The following ANO3 variants were observed in gnomAD, a reference collection of about 807,000 sequenced individuals.
The protein encoded by ANO3 is anoctamin 3.
A neutral mutation model predicts 144.8 loss-of-function variants in ANO3; 99 were observed. The observed-to-expected ratio is 0.68, with a 90% CI of 0.58 to 0.81. The LOEUF is 0.81. ANO3 is among the 30% of genes least tolerant of loss of function. The probability of loss-of-function intolerance (pLI) is 0.00; values close to 1 mark genes in which losing one functional copy is unlikely to be tolerated. For missense variants in ANO3, 905 were observed against 1,202.2 expected, an observed-to-expected ratio of 0.75 and a Z score of 3.66; for synonymous variants, 414 against 392.6, an observed-to-expected ratio of 1.05 and a Z score of -0.64.
At chr11:26,478,080 A>G (rs1860054085) in intron 4 of ANO3, among the ~76,000 whole-genome samples, 3 of 152,306 alleles carry the variant, frequency 2.0e-5, no homozygotes, top group Middle Eastern at 3.4e-3. Flanking sequence ...CAAGTGTGCC[A>G]TCACACAACA....
intron 1 of ANO3, among the ~76,000 whole-genome samples, chr11:26,191,140 G>A (rs1244907814): frequency 6.6e-6 from 1 of 152,060 alleles, no homozygotes; most frequent in Admixed American, 6.6e-5. Context: ...GCCAGGCGTG[G>A]TGGCACATGC....
At chr11:26,508,476 G>A (rs1861522436) in intron 5 of ANO3, 1 of 421,068 alleles carries the variant, frequency 2.4e-6, no homozygotes, top group Admixed American at 4.4e-5. Flanking sequence ...TTTTCAAAGG[G>A]CATGACTATT....
At chr11:26,578,132 T>C (rs1053335293) in intron 14 of ANO3, among the ~76,000 whole-genome samples, 1 of 152,210 alleles carries the variant, frequency 6.6e-6, no homozygotes. Context: ...GTGTATATTG[T>C]AATTTCCAAG....
intron 17 of ANO3, among the ~76,000 whole-genome samples, chr11:26,603,298 A>G (rs1451296093): frequency 6.6e-6 from 1 of 152,068 alleles, no homozygotes; most frequent in Admixed American, 6.5e-5. Context: ...TATTTTCTTT[A>G]CATGTTGTCT....
Position 26,451,276 on chromosome 11 carries a change from G to A in ANO3, c.313+7440G>A, listed in dbSNP as rs561492339. 5.9e-5 allele frequency among the ~76,000 whole-genome samples: 9 copies of A among 152,342 alleles called. No individual in the cohort carries two copies. In the South Asian group the frequency reaches 1.9e-3, roughly 32 times the overall value. Reference sequence around the variant, plus strand: ...TGCACCCTGCATGAGCCGAAGCAGGGCAAGGCATTGCCTCACTCGGGAAGC... The same window carrying A: ...TGCACCCTGCATGAGCCGAAGCAGGACAAGGCATTGCCTCACTCGGGAAGC... On this transcript the variant is annotated intron_variant, in intron 3 of 26. Coordinates refer to ENST00000256737, the MANE Select transcript of ANO3 (RefSeq NM_031418.4).
chr11:26,467,509 A>T (rs1859640653), intron 4 of ANO3, among the ~76,000 whole-genome samples: 1 of 151,920 alleles, frequency 6.6e-6, no homozygotes, highest in African/African-American at 2.4e-5. Context: ...TTTAGCTCTC[A>T]CAAATAAGTG....
rs540695057 is a variant in ANO3 at position 26,300,825 on chromosome 11, C to A, written c.155-8820C>A. Among the ~76,000 whole-genome samples, 10 of 148,896 alleles carry A rather than the reference C, an allele frequency of 6.7e-5. No homozygotes were observed. In the East Asian group the frequency reaches 1.8e-3, roughly 26 times the overall value. Reference sequence around the variant, plus strand: ...TGTCACTACTGTTGCCTGGGTACTTCTTTACTTTATTTATTTCTTTCTTTT... The same window carrying A: ...TGTCACTACTGTTGCCTGGGTACTTATTTACTTTATTTATTTCTTTCTTTT... On this transcript the variant is annotated intron_variant, in intron 1 of 27. Coordinates refer to the ANO3 transcript ENST00000672621.
At position 26,656,151 on chromosome 11, in the gene ANO3, G is replaced by A; in HGVS notation, c.2603G>A (p.Ser868Asn). The A allele has an allele frequency of 6.2e-7, 1 of 1,613,444 alleles. No homozygotes were observed. Residue 868 changes from serine (S) to asparagine (N), a missense_variant, in exon 25 of 27, where the codon AGC (serine) becomes AAC (asparagine). Physicochemically the swap from Ser to Asn is conservative, Grantham distance 46. Coordinates refer to ENST00000256737, the MANE Select transcript of ANO3 (RefSeq NM_031418.4). ...TGCTTGAAGGGATATGTCAACAATA[G>A]CCTATCCTTCTTTGACCTGAGTGAG... is the stretch of plus-strand genomic sequence containing the variant. Reference protein sequence around the residue: ...ENCLKGYVNNSLSFFDLSELG... With the variant: ...ENCLKGYVNNNLSFFDLSELG...
At chr11:26,435,171 C>T (rs7950620) in intron 1 of ANO3, among the ~76,000 whole-genome samples, 145,109 of 152,250 alleles carry the variant, frequency 0.95, 69,307 homozygotes, top group East Asian at 1. Flanking sequence ...TTATGTAATG[C>T]ACTTCTTTGT....
intron 3 of ANO3, among the ~76,000 whole-genome samples, chr11:26,444,972 T>G (rs567062747): frequency 1.3e-5 from 2 of 152,184 alleles, no homozygotes; most frequent in Non-Finnish European, 2.9e-5. Flanking sequence ...TACAAAGGCC[T>G]TTCCTGTAGT....
intron 1 of ANO3, among the ~76,000 whole-genome samples, chr11:26,412,307 A>G (rs1857454146): frequency 2.0e-5 from 3 of 152,056 alleles, no homozygotes. Context: ...GGTTGAGCAC[A>G]ATGTGTGGCA....
At chr11:26,632,497 C>A (rs1159001554) in intron 18 of ANO3, among the ~76,000 whole-genome samples, 1 of 147,570 alleles carries the variant, frequency 6.8e-6, no homozygotes, top group African/African-American at 2.5e-5. Context: ...GCCTGGGCAA[C>A]AGAGTGAGAC....
chr11:26,481,389 AATCT>A (rs1216279829), intron 4 of ANO3, among the ~76,000 whole-genome samples: 6 of 152,282 alleles, frequency 3.9e-5, no homozygotes, highest in African/African-American at 7.2e-5. Context: ...ATAATCTTAC[AATCT>A]ATCCTCATTT....
At chr11:26,300,780 T>C (rs1204356245) in intron 1 of ANO3, among the ~76,000 whole-genome samples, 1 of 152,072 alleles carries the variant, frequency 6.6e-6, no homozygotes, top group Non-Finnish European at 1.5e-5. Context: ...ATAATATCGC[T>C]CATATTCTTG....
chr11:26,563,329 T>A, intron 14 of ANO3: 1 of 1,466,722 alleles, frequency 6.8e-7, no homozygotes, highest in Non-Finnish European at 9.1e-7. Context: ...ACTCTATGCA[T>A]GTGAACTTTC....
chr11:26,572,247 T>C (rs990674194), intron 14 of ANO3: 6 of 985,206 alleles, frequency 6.1e-6, no homozygotes, highest in Admixed American at 6.2e-5. Flanking sequence ...CTGACCTGCT[T>C]CTCAGCTGTA....
intron 1 of ANO3, among the ~76,000 whole-genome samples, chr11:26,406,839 T>C (rs1296015841): frequency 6.6e-6 from 1 of 151,072 alleles, no homozygotes; most frequent in Non-Finnish European, 1.5e-5. Flanking sequence ...TGATTGTTTA[T>C]ATCTTAGCAA....
chr11:26,523,634 C>G (rs924459820), intron 6 of ANO3, among the ~76,000 whole-genome samples: 2 of 152,180 alleles, frequency 1.3e-5, no homozygotes, highest in African/African-American at 2.4e-5. Flanking sequence ...AAGTCTCTTT[C>G]GTTTTCAACA....
At chr11:26,592,452 T>A (rs1372833219) in intron 14 of ANO3, among the ~76,000 whole-genome samples, 1 of 151,810 alleles carries the variant, frequency 6.6e-6, no homozygotes. Flanking sequence ...CTGGGAATTA[T>A]TTCATGAATT....
Sources: allele counts gnomAD v4.1 joint callset (sites outside exome capture counted in the v4.1 genomes callset), GRCh38; gene constraint gnomAD v4.1.1; transcripts MANE v1.5; gene names NCBI Gene and HGNC (gene_info 2026-07-23, HGNC 2026-07-21).